Variants in PCNX2 observed in about 807,000 individuals in gnomAD.
The protein encoded by PCNX2 is pecanex-like protein 2.
PCNX2 carries 168 observed loss-of-function variants against 223.8 expected under a neutral mutation model. That is an observed-to-expected ratio of 0.75 (90% confidence interval 0.66 to 0.85). PCNX2 has a LOEUF of 0.85. Among genes scored for constraint, PCNX2 ranks in the 40% least tolerant of loss-of-function variants. The pLI is 0.00. For synonymous variants in PCNX2, 1,006 were observed against 1,052.6 expected (o/e 0.96, Z 0.86); for missense variants, 2,507 against 2,675.5 (o/e 0.94, Z 1.39).
chr1:233,119,531 A>G lies in PCNX2; in HGVS notation c.3837+15482T>C, dbSNP rs1675635213. Among the ~76,000 whole-genome samples, 3 of 149,984 alleles carry G rather than the reference A, an allele frequency of 2.0e-5. No homozygotes were observed. In the South Asian group the frequency reaches 6.3e-4, roughly 32 times the overall value. On this transcript the variant is annotated intron_variant, in intron 21 of 33. Coordinates refer to ENST00000258229, the MANE Select transcript of PCNX2 (RefSeq NM_014801.4). ...ACCCAGGAGGCAGAGCTTGTAGTGA[A>G]CAGAGATCCCGCCACTGCACTCCAG... is the stretch of plus-strand genomic sequence containing the variant.
At chr1:233,044,751 C>A (rs1261753910) in intron 25 of PCNX2, among the ~76,000 whole-genome samples, 4 of 151,968 alleles carry the variant, frequency 2.6e-5, no homozygotes, top group Admixed American at 2.0e-4. Flanking sequence ...TCACTGCAAC[C>A]TCCACTTCTC....
At chr1:233,049,616 C>T (rs1274851830) in intron 25 of PCNX2, among the ~76,000 whole-genome samples, 1 of 152,076 alleles carries the variant, frequency 6.6e-6, no homozygotes, top group Non-Finnish European at 1.5e-5. Context: ...CCAGAGCAGC[C>T]AATCCAGAGA....
chr1:233,014,858 T>A, intron 27 of PCNX2, 81 bp from the exon 28 acceptor site: 1 of 1,173,302 alleles, frequency 8.5e-7, no homozygotes, highest in South Asian at 1.3e-5. Flanking sequence ...AGAGTGACAT[T>A]GGCTTTGTAA....
chr1:233,044,598 AGTT>A (rs1671761540), intron 25 of PCNX2, among the ~76,000 whole-genome samples: 1 of 86,308 alleles, frequency 1.2e-5, no homozygotes, highest in African/African-American at 9.4e-5. Flanking sequence ...ACAAGAAAAT[AGTT>A]TATTTCTATT....
At chr1:233,136,841 T>C (rs1451075794) in intron 20 of PCNX2, among the ~76,000 whole-genome samples, 1 of 152,166 alleles carries the variant, frequency 6.6e-6, no homozygotes, top group Middle Eastern at 3.2e-3. Flanking sequence ...GACTTAGGGA[T>C]ATTTTGGTTT....
Position 233,000,243 on chromosome 1 carries a change from T to C in PCNX2, c.5328+62A>G. 1.3e-6 allele frequency: 2 copies of C among 1,488,286 alleles called. No individual in the cohort carries two copies. The highest frequency in any genetic ancestry group is 1.9e-6 in the Non-Finnish European group (2 of 1,066,560). 92.2% of individuals were successfully genotyped at this position (1,488,286 alleles called of 1,614,324 possible). A position where few individuals can be genotyped will look rare whatever the true frequency, so the allele number is the denominator to read the frequency against. On this transcript the variant is annotated intron_variant, in intron 30 of 33. Coordinates refer to ENST00000258229, the MANE Select transcript of PCNX2 (RefSeq NM_014801.4). This position sits in a 1 kb window ranked among gnomAD's most constrained non-coding sequence, Gnocchi z 4.6. Reference sequence around the variant, plus strand: ...AGTGCCCCCCTGCCCACCACCATTCTATTTCTTCTCAGATAGAGAGACACG... The same window carrying C: ...AGTGCCCCCCTGCCCACCACCATTCCATTTCTTCTCAGATAGAGAGACACG...
Position 233,253,700 on chromosome 1 carries a change from C to G in PCNX2, c.1835-912G>C, listed in dbSNP as rs1659581364. Reference sequence around the variant, plus strand: ...GTGTAGGACACAGAGAGCTACAATACCTATTCCTTGCCCTGAGAACATTTT... The same window carrying G: ...GTGTAGGACACAGAGAGCTACAATAGCTATTCCTTGCCCTGAGAACATTTT... On this transcript the variant is annotated intron_variant, in intron 5 of 33. Coordinates refer to ENST00000258229, the MANE Select transcript of PCNX2 (RefSeq NM_014801.4). The surrounding 1 kb of genome is among the most constrained non-coding windows in gnomAD (Gnocchi z 4.2). Among the ~76,000 whole-genome samples the G allele has an allele frequency of 6.6e-6, 1 of 152,156 alleles. No homozygotes were observed. Among genetic ancestry groups the G allele is most frequent in the African/African-American group, 2.4e-5 (1 of 41,438 alleles).
intron 21 of PCNX2, among the ~76,000 whole-genome samples, chr1:233,096,609 G>T (rs867929801): frequency 6.6e-6 from 1 of 152,062 alleles, no homozygotes; most frequent in African/African-American, 2.4e-5. Context: ...ATCCCACCAG[G>T]ATTTCTCTCC....
rs1659910287 is a variant in PCNX2, at chr1:233,259,150, G to A, written c.712C>T (p.Pro238Ser). 1 of 1,614,018 alleles carries A rather than the reference G, an allele frequency of 6.2e-7. No homozygotes were observed. Among genetic ancestry groups the A allele is most frequent in the South Asian group, 1.1e-5 (1 of 91,086 alleles). ...GKERGGKGQP[P>S]LRHRSEGGLV... Reference sequence around the variant, plus strand: ...CCACCCTCGGATCTGTGGCGCAAAGGAGGCTGCCCCTTGCCTCCTCTTTCC... The same window carrying A: ...CCACCCTCGGATCTGTGGCGCAAAGAAGGCTGCCCCTTGCCTCCTCTTTCC... Residue 238 changes from proline to serine, a missense_variant, in exon 5 of 34, where the codon CCT becomes TCT. Coordinates refer to ENST00000258229, the MANE Select transcript of PCNX2 (RefSeq NM_014801.4).
chr1:233,217,779 A>G, intron 12 of PCNX2, 120 bp downstream of exon 12: 2 of 1,001,044 alleles, frequency 2.0e-6, no homozygotes, highest in Non-Finnish European at 2.8e-6. Flanking sequence ...TGATATTTCT[A>G]TTTTATATTC....
At chr1:233,016,623 G>T (rs763554923) in intron 27 of PCNX2, among the ~76,000 whole-genome samples, 1 of 152,152 alleles carries the variant, frequency 6.6e-6, no homozygotes, top group Non-Finnish European at 1.5e-5. Flanking sequence ...ATCCCAAAAT[G>T]TAATTTTAAA....
In PCNX2 at chr1:233,258,057, T is replaced by C. The variant is rs1659830443; in HGVS notation, c.1805A>G (p.Glu602Gly). 2.5e-6 allele frequency: 4 copies of C among 1,613,634 alleles called. No individual in the cohort carries two copies. Among genetic ancestry groups the C allele is most frequent in the African/African-American group, 1.3e-5 (1 of 74,942 alleles). Residue 602 changes from glutamate (E) to glycine (G), a missense_variant, in exon 5 of 34, where the codon GAG (glutamate) becomes GGG (glycine). Coordinates refer to ENST00000258229, the MANE Select transcript of PCNX2 (RefSeq NM_014801.4). ...GAGAAGCCCACTTTCTTCATTCTGC[T>C]CAGCTGAGCCATTCAGTTGACTGGA... ...TASSQLNGSA[E>G]QNEESGLLRD... is the part of the protein sequence containing the mutation.
chr1:233,116,906 CAAAG>C (rs1345538857), intron 21 of PCNX2, among the ~76,000 whole-genome samples: 1 of 151,878 alleles, frequency 6.6e-6, no homozygotes, highest in Non-Finnish European at 1.5e-5. Context: ...GAAAGACTGA[CAAAG>C]AAAAACACAA....
At chr1:233,233,630 G>C (rs773592271) in intron 9 of PCNX2, among the ~76,000 whole-genome samples, 3 of 152,032 alleles carry the variant, frequency 2.0e-5, no homozygotes, top group Admixed American at 1.3e-4. Flanking sequence ...CCGCCCATTA[G>C]AGCCTGCAGA....
chr1:233,319,790 A>T, the PCNX2 span, among the ~76,000 whole-genome samples: 8 of 152,256 alleles, frequency 5.3e-5, no homozygotes, highest in Admixed American at 5.2e-4. Context: ...CTTCATAACT[A>T]TCAATCACTT....
At chr1:233,050,072 A>G (rs1457570808) in intron 25 of PCNX2, among the ~76,000 whole-genome samples, 2 of 151,956 alleles carry the variant, frequency 1.3e-5, no homozygotes, top group Non-Finnish European at 2.9e-5. Flanking sequence ...GGAACATCAC[A>G]CACTGGGGCC....
At chr1:233,160,241 CCCT>C (rs1678384417) in intron 19 of PCNX2, 39 bp downstream of exon 19, 2 of 1,530,218 alleles carry the variant, frequency 1.3e-6, no homozygotes, top group African/African-American at 2.7e-5. Flanking sequence ...GTATACCTAC[CCCT>C]CCTTTTTTTT....
chr1:233,007,299 T>G (rs113669497), intron 28 of PCNX2, among the ~76,000 whole-genome samples: 3,471 of 151,924 alleles, frequency 0.023, 142 homozygotes, highest in African/African-American at 0.078. Context: ...GCGCTTTCCA[T>G]TCCATAGGCT....
chr1:233,087,477 A>G (rs908479156), intron 23 of PCNX2, among the ~76,000 whole-genome samples: 3 of 152,242 alleles, frequency 2.0e-5, no homozygotes, highest in African/African-American at 7.2e-5. Flanking sequence ...ATCAGACTCA[A>G]AAGACGGTAA....
Sources: allele counts gnomAD v4.1 joint callset (sites outside exome capture counted in the v4.1 genomes callset), GRCh38; gene constraint gnomAD v4.1.1; non-coding constraint Gnocchi (gnomAD v3.1); transcripts MANE v1.5; gene names NCBI Gene and HGNC (gene_info 2026-07-23, HGNC 2026-07-21).